PARD3B: variants seen among roughly 807,000 people sequenced by gnomAD.
PARD3B encodes par-3 family cell polarity regulator beta.
Under a neutral mutation model 130.2 loss-of-function variants are expected in PARD3B, and 103 were observed. The ratio of observed to expected loss-of-function variants is 0.79; its 90% CI spans 0.67 to 0.93. The LOEUF is 0.93. PARD3B is among the 40% of genes least tolerant of loss of function. The pLI, the probability that PARD3B is intolerant of heterozygous loss-of-function variation, is 0.00. For missense variants in PARD3B, 1,609 were observed against 1,499.2 expected (o/e 1.07, Z -1.21); for synonymous variants, 583 against 553.2 (o/e 1.05, Z -0.76).
intron 22 of PARD3B, among the ~76,000 whole-genome samples, chr2:205,605,376 C>T (rs1047389047): frequency 1.3e-5 from 2 of 152,146 alleles, no homozygotes; most frequent in African/African-American, 4.8e-5. Context: ...TTTGAGGCTG[C>T]TGGCCTTTGG....
intron 2 of PARD3B, among the ~76,000 whole-genome samples, chr2:204,794,449 C>T (rs1226099686): frequency 6.6e-6 from 1 of 152,084 alleles, no homozygotes; most frequent in East Asian, 1.9e-4. Flanking sequence ...AAATGGCTTT[C>T]AGGGCCAGGA....
At chr2:205,210,228 A>T (rs925234049) in intron 15 of PARD3B, among the ~76,000 whole-genome samples, 1 of 151,886 alleles carries the variant, frequency 6.6e-6, no homozygotes, top group African/African-American at 2.4e-5. Context: ...AATAAATAAA[A>T]TTTTTTAAAA....
intron 3 of PARD3B, among the ~76,000 whole-genome samples, chr2:205,025,209 A>G (rs1696924434): frequency 6.6e-6 from 1 of 152,172 alleles, no homozygotes; most frequent in African/African-American, 2.4e-5. Context: ...AGCAAAGGCA[A>G]ACTGCTCACG....
intron 16 of PARD3B, among the ~76,000 whole-genome samples, chr2:205,299,439 A>G (rs553763247): frequency 9.2e-5 from 14 of 152,148 alleles, no homozygotes; most frequent in Non-Finnish European, 1.3e-4. Context: ...TCATGACAGT[A>G]GTCTCCTTCG....
intron 15 of PARD3B, among the ~76,000 whole-genome samples, chr2:205,233,042 C>T (rs1289184612): frequency 6.6e-6 from 1 of 152,054 alleles, no homozygotes; most frequent in Non-Finnish European, 1.5e-5. Context: ...AAATGAACCT[C>T]TAAGTACAGA....
At chr2:205,242,035 T>C (rs993673307) in intron 15 of PARD3B, among the ~76,000 whole-genome samples, 2 of 152,216 alleles carry the variant, frequency 1.3e-5, no homozygotes, top group Non-Finnish European at 2.9e-5. Flanking sequence ...TAAGCATGTG[T>C]ATAAAAGATG....
At chr2:205,479,895 ATTTTTTTTTTTTT>A (rs71032475) in intron 20 of PARD3B, among the ~76,000 whole-genome samples, 51 of 127,844 alleles carry the variant, frequency 4.0e-4, no homozygotes, top group Middle Eastern at 4.5e-3. Flanking sequence ...GCCATATGCA[ATTTTTTTTTTTTT>A]TTTTTTTTTT....
At chr2:204,622,899 T>C (rs1286286281) in intron 1 of PARD3B, among the ~76,000 whole-genome samples, 1 of 152,068 alleles carries the variant, frequency 6.6e-6, no homozygotes, top group Non-Finnish European at 1.5e-5. Flanking sequence ...ATCTGTAGCT[T>C]CAGATTAAAA....
intron 18 of PARD3B, among the ~76,000 whole-genome samples, chr2:205,392,729 T>C (rs1322062717): frequency 1.3e-5 from 2 of 152,126 alleles, no homozygotes; most frequent in Non-Finnish European, 2.9e-5. Flanking sequence ...ATGGAACGGA[T>C]TTAGAGTTTA....
At chr2:204,970,254 G>T (rs1233511693) in intron 3 of PARD3B, among the ~76,000 whole-genome samples, 3 of 152,178 alleles carry the variant, frequency 2.0e-5, no homozygotes, top group Non-Finnish European at 4.4e-5. Flanking sequence ...GAGAGTCAGT[G>T]ATATGGAGCT....
intron 15 of PARD3B, among the ~76,000 whole-genome samples, chr2:205,226,118 T>C (rs1334882855): frequency 6.6e-6 from 1 of 152,238 alleles, no homozygotes; most frequent in Non-Finnish European, 1.5e-5. Flanking sequence ...CTCTGCTCAC[T>C]GCAAGCTCCG....
intron 16 of PARD3B, among the ~76,000 whole-genome samples, chr2:205,296,270 C>T (rs530231865): frequency 6.6e-6 from 1 of 152,324 alleles, no homozygotes; most frequent in Admixed American, 6.5e-5. Context: ...TATTCTACAG[C>T]CTCCTTTTAA....
chr2:205,362,449 A>G (rs10490290), intron 18 of PARD3B, among the ~76,000 whole-genome samples: 91,221 of 152,074 alleles, frequency 0.6, 30,661 homozygotes, highest in South Asian at 0.77. Context: ...TAAACAGACA[A>G]TAATGAAGTA....
At chr2:204,996,486 C>G (rs1372036806) in intron 3 of PARD3B, among the ~76,000 whole-genome samples, 1 of 152,182 alleles carries the variant, frequency 6.6e-6, no homozygotes, top group African/African-American at 2.4e-5. Context: ...CTCTTCAAAG[C>G]TGTCAGACAG....
intron 15 of PARD3B, among the ~76,000 whole-genome samples, chr2:205,214,215 CTTAT>C (rs1273983177): frequency 6.6e-6 from 1 of 151,952 alleles, no homozygotes; most frequent in African/African-American, 2.4e-5. Flanking sequence ...TTGTGTGCTT[CTTAT>C]TTATTAATCC....
chr2:205,022,250 C>G (rs938543605), intron 3 of PARD3B, among the ~76,000 whole-genome samples: 30 of 152,176 alleles, frequency 2.0e-4, no homozygotes, highest in African/African-American at 6.5e-4. Context: ...AGTATCTTCT[C>G]TAATCATTCC....
intron 21 of PARD3B, among the ~76,000 whole-genome samples, chr2:205,511,473 G>T (rs934022091): frequency 4.6e-5 from 7 of 152,266 alleles, no homozygotes; most frequent in Admixed American, 6.5e-5. Context: ...AACCACAGCC[G>T]TTTGTGTTGG....
At chr2:204,568,944 G>A (rs1180307355) in intron 1 of PARD3B, among the ~76,000 whole-genome samples, 1 of 137,124 alleles carries the variant, frequency 7.3e-6, no homozygotes, top group Non-Finnish European at 1.5e-5. Flanking sequence ...GACAGAGTGA[G>A]ACTGTCTCAG....
chr2:204,797,725 A>G (rs2042424596), intron 2 of PARD3B, among the ~76,000 whole-genome samples: 1 of 152,234 alleles, frequency 6.6e-6, no homozygotes, highest in African/African-American at 2.4e-5. Context: ...AATTTAAATT[A>G]AAATTTTTTA....
Sources: allele counts gnomAD v4.1 joint callset (sites outside exome capture counted in the v4.1 genomes callset), GRCh38; gene constraint gnomAD v4.1.1; transcripts MANE v1.5; gene names NCBI Gene and HGNC (gene_info 2026-07-23, HGNC 2026-07-21).